HTR2C: variants seen among roughly 807,000 people sequenced by gnomAD.
The protein encoded by HTR2C is 5-hydroxytryptamine receptor 2C.
A neutral mutation model predicts 21.0 loss-of-function variants in HTR2C; 5 were observed. That is an observed-to-expected ratio of 0.24 (90% CI 0.12 to 0.50). HTR2C has a LOEUF of 0.50. Among genes scored for constraint, HTR2C ranks in the 20% least tolerant of loss-of-function variants. The probability of loss-of-function intolerance (pLI) is 0.98; values close to 1 mark genes in which losing one functional copy is unlikely to be tolerated. For missense variants in HTR2C, 271 were observed against 371.2 expected, an observed-to-expected ratio of 0.73 and a Z score of 2.22; for synonymous variants, 150 against 145.3, an observed-to-expected ratio of 1.03 and a Z score of -0.23.
chrX:114,801,229 G>A (rs935056425), intron 4 of HTR2C, among the ~76,000 whole-genome samples: 3 of 111,371 alleles, frequency 2.7e-5, no homozygotes, highest in Non-Finnish European at 5.7e-5. Flanking sequence ...ACATGGAAGA[G>A]GTTCCACTCA....
intron 4 of HTR2C, among the ~76,000 whole-genome samples, chrX:114,827,421 T>G (rs919381419): frequency 2.7e-5 from 3 of 111,488 alleles, no homozygotes; most frequent in East Asian, 5.6e-4. Flanking sequence ...CTACATGCAT[T>G]GAGAACCTTA....
At position 114,906,687 on chromosome X, in the gene HTR2C, A is replaced by C. The variant is rs1341809135; in HGVS notation, c.649A>C (p.Ile217Leu). The change falls in exon 6 of 6, where the codon ATT becomes CTT. Residue 217 changes from isoleucine (I) to leucine (L), a missense_variant. This residue lies in a region of HTR2C where 192 missense variants were observed against 247.2 expected (regional missense o/e 0.78). Coordinates refer to ENST00000276198, the MANE Select transcript of HTR2C (RefSeq NM_000868.4). The part of the protein sequence containing the change: ...CVLNDPNFVL[I>L]GSFVAFFIPL... ...GCTCAACGACCCAAATTTCGTTCTTATTGGGTCCTTCGTAGCTTTCTTCAT... is the reference window on the plus strand; with the variant it reads ...GCTCAACGACCCAAATTTCGTTCTTCTTGGGTCCTTCGTAGCTTTCTTCAT... 8.3e-7 allele frequency: 1 copy of C among 1,210,142 alleles called. No homozygotes were observed. Among genetic ancestry groups the C allele is most frequent in the Non-Finnish European group, 1.1e-6 (1 of 894,398 alleles).
intron 4 of HTR2C, among the ~76,000 whole-genome samples, chrX:114,833,522 T>C (rs1276801282): frequency 9.0e-6 from 1 of 111,656 alleles, no homozygotes; most frequent in Non-Finnish European, 1.9e-5. Flanking sequence ...TGGTAGTTTG[T>C]ATTTCGGTGG....
At chrX:114,644,927 C>A (rs1418351396) in intron 2 of HTR2C, among the ~76,000 whole-genome samples, 3 of 110,453 alleles carry the variant, frequency 2.7e-5, no homozygotes, top group Non-Finnish European at 5.7e-5. Context: ...AAAGATGAGT[C>A]AACAGAGAAT....
At chrX:114,890,413 C>T (rs1393454718) in intron 5 of HTR2C, among the ~76,000 whole-genome samples, 1 of 112,008 alleles carries the variant, frequency 8.9e-6, no homozygotes, top group Non-Finnish European at 1.9e-5. Flanking sequence ...TTGTATTATA[C>T]TTAACCACAT....
intron 4 of HTR2C, among the ~76,000 whole-genome samples, chrX:114,810,761 C>CT (rs1556452532): frequency 2.8e-5 from 3 of 107,475 alleles, no homozygotes; most frequent in Middle Eastern, 4.7e-3. Flanking sequence ...TATGAAGGTG[C>CT]TTTTTTTTGT....
intron 1 of HTR2C, among the ~76,000 whole-genome samples, chrX:114,588,334 A>G: frequency 8.9e-6 from 1 of 111,881 alleles, no homozygotes; most frequent in Non-Finnish European, 1.9e-5. Context: ...TCCTTTAAAT[A>G]CAAGTACACC....
At chrX:114,815,085 T>C (rs1159825290) in intron 4 of HTR2C, among the ~76,000 whole-genome samples, 1 of 107,734 alleles carries the variant, frequency 9.3e-6, no homozygotes, top group East Asian at 2.9e-4. Context: ...CCTGCTAAAA[T>C]ATAATTTTAC....
chrX:114,646,134 A>G (rs1197263103), intron 2 of HTR2C, among the ~76,000 whole-genome samples: 1 of 112,132 alleles, frequency 8.9e-6, no homozygotes, highest in African/African-American at 3.2e-5. Context: ...TCAGATAAAT[A>G]CTTTAAAGGT....
intron 2 of HTR2C, among the ~76,000 whole-genome samples, chrX:114,712,626 G>A (rs1602708547): frequency 8.9e-6 from 1 of 111,814 alleles, no homozygotes; most frequent in Non-Finnish European, 1.9e-5. Flanking sequence ...TTAGAGGTAT[G>A]GCCTATATTT....
intron 4 of HTR2C, among the ~76,000 whole-genome samples, chrX:114,788,281 A>T (rs967887026): frequency 9.1e-6 from 1 of 109,760 alleles, no homozygotes; most frequent in Admixed American, 9.8e-5. Context: ...ATTTTTTGAG[A>T]TGGAGTTTCA....
At chrX:114,886,529 G>A (rs1303462590) in intron 5 of HTR2C, among the ~76,000 whole-genome samples, 2 of 108,963 alleles carry the variant, frequency 1.8e-5, no homozygotes, top group Non-Finnish European at 3.8e-5. Context: ...GCAACTCTAG[G>A]GCTTACCATA....
At chrX:114,888,523 A>G (rs1556482162) in intron 5 of HTR2C, among the ~76,000 whole-genome samples, 2 of 111,854 alleles carry the variant, frequency 1.8e-5, no homozygotes, top group East Asian at 2.8e-4. Flanking sequence ...TCTCCTAGGA[A>G]TATAAATCCT....
At chrX:114,644,071 G>C (rs1413828246) in intron 2 of HTR2C, among the ~76,000 whole-genome samples, 1 of 109,209 alleles carries the variant, frequency 9.2e-6, no homozygotes, top group Non-Finnish European at 1.9e-5. Context: ...GGCTGCGCAC[G>C]GTGGCTCATG....
intron 2 of HTR2C, among the ~76,000 whole-genome samples, chrX:114,680,383 A>G (rs894616046): frequency 2.7e-5 from 3 of 112,294 alleles, no homozygotes; most frequent in Non-Finnish European, 5.6e-5. Flanking sequence ...AGAAAAGCAT[A>G]CAAGTGTATT....
intron 4 of HTR2C, among the ~76,000 whole-genome samples, chrX:114,801,463 G>A (rs1354814690): frequency 9.0e-6 from 1 of 110,927 alleles, no homozygotes; most frequent in African/African-American, 3.3e-5. Context: ...TTAACGTGGT[G>A]TACTTTACAT....
At chrX:114,804,143 A>G (rs782751766) in intron 4 of HTR2C, among the ~76,000 whole-genome samples, 1 of 111,865 alleles carries the variant, frequency 8.9e-6, no homozygotes, top group East Asian at 2.8e-4. Flanking sequence ...AAAATAACTC[A>G]TGAACGAGGG....
rs1236593528 is a variant in HTR2C, at chrX:114,901,859, AT to A, written c.551-4721del. Reference sequence around the variant, plus strand: ...GTTAAGTGATTCCACCTAATAATTTATTTTTTTTTGTCTGGATTGAATAAAA... The same window carrying A: ...GTTAAGTGATTCCACCTAATAATTTATTTTTTTTGTCTGGATTGAATAAAA... On this transcript the variant is annotated intron_variant, in intron 5 of 5. Coordinates refer to ENST00000276198, the MANE Select transcript of HTR2C (RefSeq NM_000868.4). 8.9e-4 allele frequency among the ~76,000 whole-genome samples: 98 copies of A among 110,141 alleles called. 1 individual carries two copies. Among genetic ancestry groups the A allele is most frequent in the Admixed American group, 6.5e-3 (67 of 10,300 alleles).
chrX:114,843,973 TA>T (rs782609853), intron 4 of HTR2C, among the ~76,000 whole-genome samples: 3 of 107,411 alleles, frequency 2.8e-5, no homozygotes, highest in Non-Finnish European at 3.9e-5. Flanking sequence ...GGACCTACCC[TA>T]AAAAAAAATG....
Sources: allele counts gnomAD v4.1 joint callset (sites outside exome capture counted in the v4.1 genomes callset), GRCh38; gene constraint gnomAD v4.1.1; regional missense constraint gnomAD v4.1.1; transcripts MANE v1.5; gene names NCBI Gene and HGNC (gene_info 2026-07-23, HGNC 2026-07-21).